FAM222A: variants seen among roughly 807,000 people sequenced by gnomAD.
The protein encoded by FAM222A is protein FAM222A.
FAM222A carries 7 observed loss-of-function variants against 25.8 expected under a neutral mutation model. The ratio of observed to expected loss-of-function variants is 0.27; its 90% CI spans 0.15 to 0.51. The LOEUF (loss-of-function observed/expected upper bound fraction) is 0.51, where lower values mean the gene tolerates loss of function less well. FAM222A is among the 20% of genes least tolerant of loss of function. FAM222A has a pLI of 0.97. For synonymous variants in FAM222A, 294 were observed against 298.8 expected (o/e 0.98, Z 0.17); for missense variants, 573 against 640.5 (o/e 0.89, Z 1.14).
intron 2 of FAM222A, among the ~76,000 whole-genome samples, chr12:109,765,887 G>A (rs993992471): frequency 4.6e-5 from 7 of 152,154 alleles, no homozygotes; most frequent in Admixed American, 6.5e-5. Flanking sequence ...TAATACTCAC[G>A]CTCACAGAAC....
chr12:109,750,967 CA>C (rs1472684745), intron 2 of FAM222A, among the ~76,000 whole-genome samples: 38 of 152,042 alleles, frequency 2.5e-4, no homozygotes, highest in African/African-American at 8.9e-4. Flanking sequence ...TGGAGTTGAC[CA>C]TAGAGAGTCT....
chr12:109,741,883 A>AG (rs967220301), intron 1 of FAM222A, among the ~76,000 whole-genome samples: 16 of 152,134 alleles, frequency 1.1e-4, no homozygotes, highest in African/African-American at 3.9e-4. Context: ...CTCAGTGGTG[A>AG]GGGGGTAAGT....
In FAM222A at chr12:109,714,216, C is replaced by CGCTGCCGCCGCCGCT. The variant is rs1241440135; in HGVS notation, c.-726_-712dup. The CGCTGCCGCCGCCGCT allele has an allele frequency of 5.4e-6, 1 of 183,494 alleles. No homozygotes were observed. The highest frequency in any genetic ancestry group is 1.1e-5 in the Non-Finnish European group (1 of 91,598). The allele number at this position is 183,494 out of a possible 1,614,324, so 11.4% of individuals were successfully genotyped here. The stretch of plus-strand genomic sequence containing the variant: ...CGTCGCCCGCTGCCGCCGCCGCCGC[C>CGCTGCCGCCGCCGCT]GCTGCCGCCGCCGCTGTTCGCCGGC... On this transcript the variant is annotated 5_prime_UTR_variant, in exon 1 of 3. Coordinates refer to ENST00000538780, the MANE Select transcript of FAM222A (RefSeq NM_032829.3). The surrounding 1 kb of genome is among the most constrained non-coding windows in gnomAD (Gnocchi z 4.2).
At chr12:109,730,316 CT>C (rs1006475347) in intron 1 of FAM222A, among the ~76,000 whole-genome samples, 6 of 151,660 alleles carry the variant, frequency 4.0e-5, no homozygotes, top group East Asian at 1.9e-4. Flanking sequence ...GTTTCCCCCC[CT>C]GCTAAAATGG....
At chr12:109,715,455 C>T (rs1887624845) in intron 1 of FAM222A, among the ~76,000 whole-genome samples, 1 of 152,220 alleles carries the variant, frequency 6.6e-6, no homozygotes, top group Admixed American at 6.5e-5. Context: ...TGACGTCAAA[C>T]CTTAGCCTCT....
intron 2 of FAM222A, among the ~76,000 whole-genome samples, chr12:109,763,211 A>G (rs1888948452): frequency 6.6e-6 from 1 of 152,244 alleles, no homozygotes; most frequent in Non-Finnish European, 1.5e-5. Flanking sequence ...GAAAGCAGAC[A>G]GACTGGGCCT....
At chr12:109,722,166 C>T (rs1887758284) in intron 1 of FAM222A, among the ~76,000 whole-genome samples, 1 of 152,166 alleles carries the variant, frequency 6.6e-6, no homozygotes, top group Non-Finnish European at 1.5e-5. Context: ...GCATGAGAGG[C>T]AGCTCAGAGG....
At chr12:109,752,475 T>A (rs1888590151) in intron 2 of FAM222A, among the ~76,000 whole-genome samples, 1 of 152,116 alleles carries the variant, frequency 6.6e-6, no homozygotes, top group Non-Finnish European at 1.5e-5. Context: ...ATCTCTCCTC[T>A]TGTCCCTGTT....
intron 1 of FAM222A, among the ~76,000 whole-genome samples, chr12:109,726,463 G>C (rs1887844618): frequency 6.6e-6 from 1 of 152,218 alleles, no homozygotes; most frequent in African/African-American, 2.4e-5. Flanking sequence ...GCCAGGATTT[G>C]GCCCCAGATC....
intron 1 of FAM222A, among the ~76,000 whole-genome samples, chr12:109,732,677 AGGGGAGGTGGGTGG>A (rs546721787): frequency 8.4e-4 from 127 of 151,064 alleles, no homozygotes; most frequent in African/African-American, 2.8e-3. Context: ...TTTCAGAAGG[AGGGGAGGTGGGTGG>A]GGGGAGGTGT....
chr12:109,746,764 C>G (rs756499594), intron 2 of FAM222A, among the ~76,000 whole-genome samples: 15 of 152,156 alleles, frequency 9.9e-5, no homozygotes, highest in Non-Finnish European at 1.8e-4. Flanking sequence ...AAAACCGACA[C>G]CCATCAGCAG....
chr12:109,736,342 G>C (rs1021265448), intron 1 of FAM222A, among the ~76,000 whole-genome samples: 14 of 152,198 alleles, frequency 9.2e-5, no homozygotes, highest in African/African-American at 3.4e-4. Context: ...GTACCACTTA[G>C]GCAGCTACCA....
intron 1 of FAM222A, among the ~76,000 whole-genome samples, chr12:109,725,342 G>T (rs1413090739): frequency 6.6e-6 from 1 of 152,130 alleles, no homozygotes; most frequent in African/African-American, 2.4e-5. Context: ...GCTCAGAGAG[G>T]CAAAGGTACT....
intron 1 of FAM222A, among the ~76,000 whole-genome samples, chr12:109,732,763 A>G (rs1432426243): frequency 6.6e-6 from 1 of 152,250 alleles, no homozygotes; most frequent in African/African-American, 2.4e-5. Flanking sequence ...CATACATTCC[A>G]CTGCTACATC....
intron 2 of FAM222A, among the ~76,000 whole-genome samples, chr12:109,757,338 A>G (rs773257225): frequency 5.9e-5 from 9 of 152,246 alleles, no homozygotes; most frequent in Admixed American, 1.3e-4. Context: ...AAAAAGAAGT[A>G]TCAGGGTTGG....
intron 1 of FAM222A, among the ~76,000 whole-genome samples, chr12:109,733,129 G>C (rs995968540): frequency 2.0e-5 from 3 of 152,160 alleles, no homozygotes; most frequent in Admixed American, 2.0e-4. Context: ...AGAGTGGTGT[G>C]TACTGGGGAC....
intron 1 of FAM222A, among the ~76,000 whole-genome samples, chr12:109,719,415 G>T (rs754083945): frequency 3.3e-5 from 5 of 152,034 alleles, no homozygotes; most frequent in Non-Finnish European, 5.9e-5. Flanking sequence ...GGTTCCATTC[G>T]GTAAAACCAG....
At position 109,770,152 on chromosome 12, in the gene FAM222A, A is replaced by G. The variant is rs933142554; in HGVS notation, c.*864A>G. Reference sequence around the variant, plus strand: ...CAGTGGGCCTGCAATCTTAGATCCCATCCTTGCCTTCTTCGAGGGATCTCT... The same window carrying G: ...CAGTGGGCCTGCAATCTTAGATCCCGTCCTTGCCTTCTTCGAGGGATCTCT... On this transcript the variant is annotated 3_prime_UTR_variant, in exon 3 of 3. Transcript: ENST00000538780. 5 of 152,408 alleles carry G rather than the reference A, an allele frequency of 3.3e-5. No homozygotes were observed. The highest frequency in any genetic ancestry group is 1.2e-4 in the African/African-American group (5 of 41,442). 9.4% of individuals were successfully genotyped at this position (152,408 alleles called of 1,614,324 possible).
chr12:109,721,261 G>A (rs555323003), intron 1 of FAM222A, among the ~76,000 whole-genome samples: 1 of 152,290 alleles, frequency 6.6e-6, no homozygotes, highest in East Asian at 1.9e-4. Flanking sequence ...AAGGGTACTG[G>A]GCATGGTAGG....
Sources: gnomAD v4.1 joint callset for allele counts (sites outside exome capture counted in the v4.1 genomes callset) on GRCh38, gnomAD v4.1.1 for gene constraint, Gnocchi (gnomAD v3.1) non-coding constraint, MANE v1.5 for transcripts, NCBI Gene and HGNC (gene_info 2026-07-23, HGNC 2026-07-21) for gene names.